The following VAV3 variants were observed in gnomAD, a reference collection of about 807,000 sequenced individuals.
The protein encoded by VAV3 is vav guanine nucleotide exchange factor 3, also known as guanine nucleotide exchange factor VAV3.
A neutral mutation model predicts 131.2 loss-of-function variants in VAV3; 94 were observed. That is an observed-to-expected ratio of 0.72 (90% CI 0.61 to 0.85). The LOEUF (loss-of-function observed/expected upper bound fraction) is 0.85. Ranked by LOEUF, VAV3 falls within the 40% of genes least tolerant of loss-of-function variation. VAV3 has a pLI of 0.00. For missense variants in VAV3, 939 were observed against 1,002.7 expected, an observed-to-expected ratio of 0.94 and a Z score of 0.86; for synonymous variants, 349 against 342.0, an observed-to-expected ratio of 1.02 and a Z score of -0.22.
At chr1:107,835,111 T>C (rs935699556) in intron 2 of VAV3, among the ~76,000 whole-genome samples, 1 of 151,666 alleles carries the variant, frequency 6.6e-6, no homozygotes, top group African/African-American at 2.4e-5. Context: ...CAGGAGAGAG[T>C]AGGGCTATAT....
chr1:107,922,630 ACT>A (rs1672953115), intron 1 of VAV3, among the ~76,000 whole-genome samples: 1 of 152,178 alleles, frequency 6.6e-6, no homozygotes, highest in South Asian at 2.1e-4. Flanking sequence ...CAGAGGTGTG[ACT>A]CATGTACAAT....
At chr1:107,840,793 GTTGGCAAC>G (rs1341293237) in intron 2 of VAV3, among the ~76,000 whole-genome samples, 18 of 152,172 alleles carry the variant, frequency 1.2e-4, no homozygotes, top group African/African-American at 4.3e-4. Context: ...AAACTGTCTA[GTTGGCAAC>G]AGACCAAGAT....
intron 2 of VAV3, among the ~76,000 whole-genome samples, chr1:107,817,713 G>T (rs1667617093): frequency 6.6e-6 from 1 of 152,120 alleles, no homozygotes; most frequent in South Asian, 2.1e-4. Flanking sequence ...TTCCCATGTG[G>T]CTGGCAGAGC....
At chr1:107,682,384 C>T (rs1049369290) in intron 19 of VAV3, among the ~76,000 whole-genome samples, 1 of 152,092 alleles carries the variant, frequency 6.6e-6, no homozygotes, top group African/African-American at 2.4e-5. Flanking sequence ...CAGTCATATA[C>T]CCCTACTGAA....
At chr1:107,668,121 T>C (rs1374476747) in intron 19 of VAV3, among the ~76,000 whole-genome samples, 1 of 152,198 alleles carries the variant, frequency 6.6e-6, no homozygotes, top group African/African-American at 2.4e-5. Flanking sequence ...TTATCCTTCT[T>C]CAATCTGACC....
chr1:107,797,690 T>C (rs112007038), intron 2 of VAV3, among the ~76,000 whole-genome samples: 169 of 152,320 alleles, frequency 1.1e-3, no homozygotes, highest in African/African-American at 4.0e-3. Context: ...AGAAAAATCA[T>C]GTTATGCCTC....
At chr1:107,785,172 G>T (rs952555806) in intron 2 of VAV3, among the ~76,000 whole-genome samples, 1 of 152,150 alleles carries the variant, frequency 6.6e-6, no homozygotes. Context: ...GCACATTAGT[G>T]CTGTTGATGT....
intron 2 of VAV3, chr1:107,785,468 G>GGTA (rs1557845981): frequency 2.3e-5 from 30 of 1,326,986 alleles, no homozygotes; most frequent in Non-Finnish European, 3.0e-5. Flanking sequence ...AGGGAGGTGG[G>GGTA]CTCTGCAAGG....
intron 15 of VAV3, among the ~76,000 whole-genome samples, chr1:107,743,635 T>TAAATAA (rs1380851203): frequency 6.6e-6 from 1 of 152,202 alleles, no homozygotes; most frequent in Non-Finnish European, 1.5e-5. Flanking sequence ...GCACGATAAA[T>TAAATAA]ATTTGCAGAA....
intron 4 of VAV3, among the ~76,000 whole-genome samples, chr1:107,774,621 C>A (rs1665233711): frequency 6.6e-6 from 1 of 152,296 alleles, no homozygotes; most frequent in African/African-American, 2.4e-5. Context: ...TGTAAGGCCA[C>A]CTACATACGG....
intron 19 of VAV3, among the ~76,000 whole-genome samples, chr1:107,656,703 G>A (rs1250301748): frequency 2.0e-5 from 3 of 151,740 alleles, no homozygotes; most frequent in African/African-American, 4.8e-5. Context: ...ATTATTGCAG[G>A]TACTCCAAAA....
intron 11 of VAV3, 133 bp downstream of exon 11, chr1:107,757,128 T>A: frequency 1.7e-6 from 1 of 575,280 alleles, no homozygotes; most frequent in Non-Finnish European, 2.9e-6. Flanking sequence ...TATATATATA[T>A]GTTTGTGTAT....
intron 2 of VAV3, among the ~76,000 whole-genome samples, chr1:107,827,173 C>A (rs1212662123): frequency 6.6e-6 from 1 of 152,076 alleles, no homozygotes; most frequent in African/African-American, 2.4e-5. Flanking sequence ...GTCCTCTGAG[C>A]TAAATAAAAT....
rs145926469 is a variant in VAV3 at position 107,790,679 on chromosome 1, C to CTTTTTTTT, written c.322-11195_322-11188dup. Among the ~76,000 whole-genome samples the CTTTTTTTT allele has an allele frequency of 7.2e-5, 5 of 69,840 alleles. 1 individual carries two copies. The highest frequency in any genetic ancestry group is 5.2e-4 in the East Asian group (1 of 1,922). The allele number at this position is 69,840 out of a possible 152,430, so 45.8% of individuals were successfully genotyped here. Reference sequence around the variant, plus strand: ...CATCACTCCTTCCTTAAATGTCTTCCTTTTTTTTTTTTTTTTTTTTTTTTT... The same window carrying CTTTTTTTT: ...CATCACTCCTTCCTTAAATGTCTTCCTTTTTTTTTTTTTTTTTTTTTTTTTTTTTTTTT... On this transcript the variant is annotated intron_variant, in intron 2 of 26. Coordinates refer to ENST00000370056, the MANE Select transcript of VAV3 (RefSeq NM_006113.5).
chr1:107,578,766 C>T (rs1256855796), intron 25 of VAV3: 1 of 985,046 alleles, frequency 1.0e-6, no homozygotes, highest in Non-Finnish European at 1.2e-6. Context: ...AGTGTCCATC[C>T]TTGTGTCTCT....
At chr1:107,830,691 C>G (rs1341681788) in intron 2 of VAV3, among the ~76,000 whole-genome samples, 1 of 152,166 alleles carries the variant, frequency 6.6e-6, no homozygotes, top group Non-Finnish European at 1.5e-5. Context: ...AATAAATCTG[C>G]CTTTCTTTAC....
intron 12 of VAV3, among the ~76,000 whole-genome samples, chr1:107,753,919 C>T (rs186416608): frequency 6.6e-6 from 1 of 151,980 alleles, no homozygotes; most frequent in East Asian, 1.9e-4. Flanking sequence ...AAGAAATATG[C>T]TATGGAATTC....
At chr1:107,944,405 T>C (rs1447950395) in intron 1 of VAV3, among the ~76,000 whole-genome samples, 1 of 152,198 alleles carries the variant, frequency 6.6e-6, no homozygotes, top group East Asian at 1.9e-4. Flanking sequence ...TATATGCTAA[T>C]ATTCTAACAA....
At chr1:107,581,105 G>T (rs554292790) in intron 25 of VAV3, among the ~76,000 whole-genome samples, 2 of 152,204 alleles carry the variant, frequency 1.3e-5, no homozygotes, top group South Asian at 2.1e-4. Flanking sequence ...TCTTGAAAGA[G>T]AACTCTTTTA....
Sources: allele counts gnomAD v4.1 joint callset (sites outside exome capture counted in the v4.1 genomes callset), GRCh38; gene constraint gnomAD v4.1.1; transcripts MANE v1.5; gene names NCBI Gene and HGNC (gene_info 2026-07-23, HGNC 2026-07-21).